Variants in TLE3 observed in about 807,000 individuals in gnomAD.
TLE3 encodes transducin-like enhancer protein 3.
TLE3 carries 14 observed loss-of-function variants against 93.0 expected under a neutral mutation model. The observed-to-expected ratio is 0.15, with a 90% CI of 0.10 to 0.24. The LOEUF is 0.24. Ranked by LOEUF, TLE3 falls within the 10% of genes least tolerant of loss-of-function variation. The pLI is 1.00. For missense variants in TLE3, 693 were observed against 1,046.6 expected (o/e 0.66, Z 4.66); for synonymous variants, 451 against 425.0 (o/e 1.06, Z -0.75).
In TLE3 at chr15:70,057,501, TGCA is replaced by T; in HGVS notation, c.1206_1208del (p.Ala406del). ...TTGGCGATCGGCCATAGGCAGCGGC[TGCA>T]GCAGCGGCGGCGGCGCTCATCTGGG... On this transcript the variant is annotated inframe_deletion, in exon 13 of 20. Coordinates refer to ENST00000451782, the MANE Select transcript of TLE3 (RefSeq NM_001105192.3). The T allele has an allele frequency of 6.2e-7, 1 of 1,609,130 alleles. No individual in the cohort carries two copies. The highest frequency in any genetic ancestry group is 8.5e-7 in the Non-Finnish European group (1 of 1,178,048).
At chr15:70,052,717 G>A in intron 17 of TLE3, 193 bp from the exon 18 acceptor site, 1 of 457,570 alleles carries the variant, frequency 2.2e-6, no homozygotes, top group East Asian at 3.5e-5. Context: ...TTTGCATTCA[G>A]TTACTCTGTC....
At chr15:70,050,889 T>C (rs2055469187) in intron 19 of TLE3, 1 of 162,036 alleles carries the variant, frequency 6.2e-6, no homozygotes. Flanking sequence ...TGCCAATCAG[T>C]GCAGTATGGC....
intron 4 of TLE3, among the ~76,000 whole-genome samples, chr15:70,086,822 C>T (rs1239965114): frequency 6.6e-6 from 1 of 152,176 alleles, no homozygotes; most frequent in Non-Finnish European, 1.5e-5. Context: ...TTCCGCATCT[C>T]TGCTTTGTCA....
rs1039204715 is a variant in TLE3, at chr15:70,096,295, CG to C, written c.25-35del. On this transcript the variant is annotated intron_variant, in intron 1 of 19. Coordinates refer to ENST00000451782, the MANE Select transcript of TLE3 (RefSeq NM_001105192.3). Reference sequence around the variant, plus strand: ...CGCGAAGACAAGACAGGGGAGGGGGCGGGGGCATGAGACCGCGCTCAGAGCG... The same window carrying C: ...CGCGAAGACAAGACAGGGGAGGGGGCGGGGCATGAGACCGCGCTCAGAGCG... The C allele has an allele frequency of 1.7e-5, 26 of 1,501,286 alleles. 1 individual carries two copies. The African/African-American group carries it at 1.8e-4, about 11-fold the overall frequency. The allele number at this position is 1,501,286 out of a possible 1,614,324, so 93.0% of individuals were successfully genotyped here.
Position 70,053,329 on chromosome 15 carries a change from G to A in TLE3, c.1872C>T (p.Ser624=). 6.2e-7 allele frequency: 1 copy of A among 1,609,442 alleles called. No homozygotes were observed. Among genetic ancestry groups the A allele is most frequent in the Non-Finnish European group, 8.5e-7 (1 of 1,177,860 alleles). The change falls in exon 17 of 20, where the codon TCC becomes TCT. Residue 624 remains serine (S), a synonymous_variant. Coordinates refer to ENST00000451782, the MANE Select transcript of TLE3 (RefSeq NM_001105192.3). ...HTDGASCIDI[S]HDGTKLWTGG... is the part of the protein sequence containing the mutation. ...CTGTCCACAGTTTGGTGCCATCATGGGAGATGTCTATGCAGCTGGCCCCAT... is the reference window on the plus strand; with the variant it reads ...CTGTCCACAGTTTGGTGCCATCATGAGAGATGTCTATGCAGCTGGCCCCAT...
Position 70,097,466 on chromosome 15 carries a change from G to T in TLE3, c.-668C>A. On this transcript the variant is annotated 5_prime_UTR_variant, in exon 1 of 20. Coordinates refer to ENST00000451782, the MANE Select transcript of TLE3 (RefSeq NM_001105192.3). ...TGCTACTGCCGCTGCCGCCGCCGCC[G>T]CCGCCGCTGCAAGCCCTTCCCAGGG... 1 of 417,666 alleles carries T rather than the reference G, an allele frequency of 2.4e-6. No individual in the cohort carries two copies. The highest frequency in any genetic ancestry group is 4.2e-6 in the Non-Finnish European group (1 of 238,410). 25.9% of individuals were successfully genotyped at this position (417,666 alleles called of 1,614,324 possible).
chr15:70,052,683 T>A, intron 17 of TLE3, 159 bp from the exon 18 acceptor site: 4 of 670,496 alleles, frequency 6.0e-6, no homozygotes, highest in Non-Finnish European at 9.2e-6. Context: ...CATCCCCATT[T>A]TATAGGTGAG....
chr15:70,056,014 G>A (rs1275636320), intron 14 of TLE3: 1 of 524,458 alleles, frequency 1.9e-6, no homozygotes, highest in Non-Finnish European at 3.5e-6. Context: ...GTGACTCGGT[G>A]AGGAGTGTTC....
At chr15:70,072,554 G>C (rs2057238482) in intron 6 of TLE3, among the ~76,000 whole-genome samples, 1 of 152,236 alleles carries the variant, frequency 6.6e-6, no homozygotes. Flanking sequence ...AGATGACACA[G>C]GCCACCCTCC....
At chr15:70,081,852 T>C (rs769790628) in intron 4 of TLE3, among the ~76,000 whole-genome samples, 8 of 152,202 alleles carry the variant, frequency 5.3e-5, no homozygotes, top group Non-Finnish European at 1.0e-4. Context: ...CATGGGGAAG[T>C]GACGATTTTC....
At chr15:70,084,016 T>C (rs1288935092) in intron 4 of TLE3, among the ~76,000 whole-genome samples, 2 of 152,232 alleles carry the variant, frequency 1.3e-5, no homozygotes, top group African/African-American at 4.8e-5. Flanking sequence ...TCTTAGGCTA[T>C]AAAAATCAAG....
At chr15:70,096,339 A>G (rs1412125360) in intron 1 of TLE3, 78 bp from the exon 2 acceptor site, 9 of 1,521,102 alleles carry the variant, frequency 5.9e-6, no homozygotes, top group Non-Finnish European at 6.1e-6. Flanking sequence ...CCCCTCCCCA[A>G]CGGCGCCCAA....
At position 70,083,032 on chromosome 15, in the gene TLE3, A is replaced by G. The variant is rs2057862299; in HGVS notation, c.235-6874T>C. On this transcript the variant is annotated intron_variant, in intron 4 of 19. Coordinates refer to ENST00000451782, the MANE Select transcript of TLE3 (RefSeq NM_001105192.3). ...CCCAACCCCAGAAACAGGTAGCAAC[A>G]TACAGTCTAGAGTCCTGCATTCCTA... Among the ~76,000 whole-genome samples the G allele has an allele frequency of 2.0e-5, 3 of 152,208 alleles. No homozygotes were observed. The South Asian group carries it at 6.2e-4, about 32-fold the overall frequency.
chr15:70,084,737 A>C lies in TLE3; in HGVS notation c.235-8579T>G, dbSNP rs139035106. On this transcript the variant is annotated intron_variant, in intron 4 of 19. Transcript: ENST00000451782. ...GATGCGTGGCGCCCACGGTGCCTAC[A>C]CTGCAGGACCGTAGAGCCAACAAGT... Among the ~76,000 whole-genome samples, 7 of 152,350 alleles carry C rather than the reference A, an allele frequency of 4.6e-5. No individual in the cohort carries two copies. The East Asian group carries it at 1.2e-3, about 25-fold the overall frequency.
Position 70,071,080 on chromosome 15 carries a change from C to A in TLE3, c.372+3453G>T, listed in dbSNP as rs3784666. 0.02 allele frequency among the ~76,000 whole-genome samples: 3,086 copies of A among 152,234 alleles called. 134 individuals carry two copies. In the East Asian group the frequency reaches 0.21, roughly 10 times the overall value. ...CTTGGGCCATGATATAGCAATGTAA[C>A]AAGAGGGTTCCAGAAATGGGTGATA... On this transcript the variant is annotated intron_variant, in intron 6 of 19. Coordinates refer to ENST00000451782, the MANE Select transcript of TLE3 (RefSeq NM_001105192.3).
chr15:70,060,950 C>T (rs944306338), intron 8 of TLE3, among the ~76,000 whole-genome samples: 5 of 152,218 alleles, frequency 3.3e-5, no homozygotes, highest in African/African-American at 4.8e-5. Flanking sequence ...TGTGGGACTA[C>T]GCTCTGTGAG....
chr15:70,055,946 T>C, intron 14 of TLE3: 7 of 403,588 alleles, frequency 1.7e-5, no homozygotes, highest in Non-Finnish European at 2.8e-5. Flanking sequence ...CCAGCGGCAC[T>C]GGGGCCTTCC....
chr15:70,071,642 A>C (rs1405907265), intron 6 of TLE3, among the ~76,000 whole-genome samples: 1 of 152,204 alleles, frequency 6.6e-6, no homozygotes. Flanking sequence ...AGATGGAGAA[A>C]CTGAGGCCTG....
At position 70,096,893 on chromosome 15, in the gene TLE3, C is replaced by T; in HGVS notation, c.-95G>A. ...GGGGGAGCCGAGCCCGAGCGGGGGG[C>T]GGCCGGGAAACCGAGAGCTCGCCCC... On this transcript the variant is annotated 5_prime_UTR_variant, in exon 1 of 20. Coordinates refer to ENST00000451782, the MANE Select transcript of TLE3 (RefSeq NM_001105192.3). The T allele has an allele frequency of 2.1e-6, 3 of 1,412,898 alleles. No homozygotes were observed. Among genetic ancestry groups the T allele is most frequent in the Non-Finnish European group, 2.9e-6 (3 of 1,033,548 alleles). The allele number at this position is 1,412,898 out of a possible 1,614,324, so 87.5% of individuals were successfully genotyped here.
Sources: allele counts gnomAD v4.1 joint callset (sites outside exome capture counted in the v4.1 genomes callset), GRCh38; gene constraint gnomAD v4.1.1; transcripts MANE v1.5; gene names NCBI Gene and HGNC (gene_info 2026-07-23, HGNC 2026-07-21).